The following PIPOX variants were observed in gnomAD, a reference collection of about 807,000 sequenced individuals.
PIPOX encodes pipecolic acid and sarcosine oxidase.
PIPOX carries 45 observed loss-of-function variants against 47.9 expected under a neutral mutation model. The ratio of observed to expected loss-of-function variants is 0.94; its 90% CI spans 0.74 to 1.20. PIPOX has a LOEUF of 1.20. PIPOX is among the 50% of genes most tolerant of loss of function. The pLI is 0.00. For missense variants in PIPOX, 458 were observed against 498.4 expected (o/e 0.92, Z 0.77); for synonymous variants, 165 against 191.3 (o/e 0.86, Z 1.13).
In PIPOX at chr17:29,056,676, A is replaced by G. The variant is rs886927734; in HGVS notation, c.*371A>G. ...AAGAACTGGCTCTGGAGACCAAAGCAGTTGTTAAAAATTCTCTTTGCTGGG... is the reference window on the plus strand; with the variant it reads ...AAGAACTGGCTCTGGAGACCAAAGCGGTTGTTAAAAATTCTCTTTGCTGGG... On this transcript the variant is annotated 3_prime_UTR_variant, in exon 8 of 8. Transcript: ENST00000323372. The G allele has an allele frequency of 1.4e-5, 3 of 212,216 alleles. No individual in the cohort carries two copies. Among genetic ancestry groups the G allele is most frequent in the African/African-American group, 6.9e-5 (3 of 43,378 alleles). 13.1% of individuals were successfully genotyped at this position (212,216 alleles called of 1,614,324 possible). A position where few individuals can be genotyped will look rare whatever the true frequency, so the allele number is the denominator to read the frequency against.
chr17:29,045,151 TCTG>T (rs2152698131), intron 2 of PIPOX, 144 bp downstream of exon 2: 1 of 947,858 alleles, frequency 1.1e-6, no homozygotes, highest in East Asian at 2.6e-5. Context: ...ATGGAAGAGT[TCTG>T]CTGTCATGGT....
chr17:29,052,094 A>T (rs994518609), intron 2 of PIPOX: 4 of 465,380 alleles, frequency 8.6e-6, no homozygotes, highest in African/African-American at 2.0e-5. Context: ...GACCCTTTCC[A>T]CAAAACAGGC....
At chr17:29,043,484 C>T (rs1280188257) in intron 1 of PIPOX, 145 bp downstream of exon 1, 2 of 571,658 alleles carry the variant, frequency 3.5e-6, no homozygotes, top group East Asian at 3.0e-5. Context: ...TCTTAGCTGC[C>T]TAGTGTGTTT....
intron 3 of PIPOX, 103 bp downstream of exon 3, chr17:29,053,236 C>A (rs1378857430): frequency 3.1e-6 from 4 of 1,294,590 alleles, no homozygotes; most frequent in Non-Finnish European, 4.4e-6. Flanking sequence ...GGCCTTTGCC[C>A]TGCAGGCTTT....
intron 2 of PIPOX, among the ~76,000 whole-genome samples, chr17:29,047,068 C>T (rs1299562911): frequency 2.6e-5 from 4 of 152,102 alleles, no homozygotes; most frequent in South Asian, 2.1e-4. Flanking sequence ...AGGTGGATCA[C>T]CTGAAGTCAG....
At chr17:29,055,741 C>A (rs2065825158) in intron 6 of PIPOX, 72 bp from the exon 7 acceptor site, 1 of 1,255,282 alleles carries the variant, frequency 8.0e-7, no homozygotes, top group South Asian at 1.2e-5. Context: ...CCATCCCCTT[C>A]CAGTTAGAGC....
Position 29,052,848 on chromosome 17 carries a change from C to T in PIPOX, c.264-72C>T, listed in dbSNP as rs547842272. On this transcript the variant is annotated intron_variant, in intron 2 of 7. Transcript: ENST00000323372. Reference sequence around the variant, plus strand: ...TCAGCCTCCTGAAGTGCTGGGATTACAGGCGTGAGTCGTCACATCAGGCCC... The same window carrying T: ...TCAGCCTCCTGAAGTGCTGGGATTATAGGCGTGAGTCGTCACATCAGGCCC... 224 of 1,313,172 alleles carry T rather than the reference C, an allele frequency of 1.7e-4. No homozygotes were observed. The African/African-American group carries it at 2.9e-3, about 17-fold the overall frequency. 81.3% of individuals were successfully genotyped at this position (1,313,172 alleles called of 1,614,324 possible). A position where few individuals can be genotyped will look rare whatever the true frequency, so the allele number is the denominator to read the frequency against.
intron 2 of PIPOX, among the ~76,000 whole-genome samples, chr17:29,052,437 C>T (rs555483247): frequency 3.3e-5 from 5 of 152,350 alleles, no homozygotes; most frequent in African/African-American, 1.2e-4. Context: ...CATGAGAATA[C>T]TGGGATTCTA....
intron 1 of PIPOX, chr17:29,044,468 A>G (rs879536971): frequency 7.1e-5 from 11 of 155,690 alleles, no homozygotes; most frequent in Admixed American, 4.5e-4. Flanking sequence ...ATTTGGAAAG[A>G]TTGTGTGAAT....
At chr17:29,052,418 G>A (rs1002664159) in intron 2 of PIPOX, among the ~76,000 whole-genome samples, 3 of 152,210 alleles carry the variant, frequency 2.0e-5, no homozygotes, top group Non-Finnish European at 2.9e-5. Context: ...GGAATGGGCT[G>A]GAAATCAGCA....
intron 2 of PIPOX, among the ~76,000 whole-genome samples, 188 bp from the exon 3 acceptor site, chr17:29,052,732 A>T (rs1479897007): frequency 6.6e-6 from 1 of 152,170 alleles, no homozygotes; most frequent in African/African-American, 2.4e-5. Context: ...GCTACTTTTT[A>T]AAAATTTTTT....
chr17:29,056,721 C>T lies in PIPOX; in HGVS notation c.*416C>T, dbSNP rs1440373974. ...GCTGGGGGCCGGGTGTGGTGGCTCA[C>T]ACCTGTAATCTCGGCACTTTGGGGG... On this transcript the variant is annotated 3_prime_UTR_variant, in exon 8 of 8. Coordinates refer to ENST00000323372, the MANE Select transcript of PIPOX (RefSeq NM_016518.3). 1.1e-5 allele frequency: 2 copies of T among 175,172 alleles called. No individual in the cohort carries two copies. Among genetic ancestry groups the T allele is most frequent in the Non-Finnish European group, 2.4e-5 (2 of 82,866 alleles). The allele number at this position is 175,172 out of a possible 1,614,324, so 10.9% of individuals were successfully genotyped here. A position where few individuals can be genotyped will look rare whatever the true frequency, so the allele number is the denominator to read the frequency against.
Position 29,056,657 on chromosome 17 carries a change from T to G in PIPOX, c.*352T>G, listed in dbSNP as rs1352381772. On this transcript the variant is annotated 3_prime_UTR_variant, in exon 8 of 8. Transcript: ENST00000323372. The stretch of plus-strand genomic sequence containing the variant: ...ATCAGTAAGAAGAGGGCACAAGAAC[T>G]GGCTCTGGAGACCAAAGCAGTTGTT... 2.8e-5 allele frequency: 7 copies of G among 251,202 alleles called. No individual in the cohort carries two copies. Among genetic ancestry groups the G allele is most frequent in the Admixed American group, 2.0e-4 (4 of 19,988 alleles). 15.6% of individuals were successfully genotyped at this position (251,202 alleles called of 1,614,324 possible).
Position 29,055,126 on chromosome 17 carries a change from G to A in PIPOX, c.871G>A (p.Asp291Asn), listed in dbSNP as rs781504759. ...EERDCPTART[D>N]IGDVQILSSF... ...GCGGGACTGCCCCACAGCACGCACA[G>A]ACATCGGAGACGTCCAGATCCTGAG... Residue 291 changes from aspartate to asparagine, a missense_variant, in exon 6 of 8, where the codon GAC becomes AAC. By Grantham distance (23) the Asp-to-Asn change is conservative. Transcript: ENST00000323372. 3 of 1,614,044 alleles carry A rather than the reference G, an allele frequency of 1.9e-6. No individual in the cohort carries two copies. Among genetic ancestry groups the A allele is most frequent in the Non-Finnish European group, 2.5e-6 (3 of 1,180,042 alleles).
rs1568021531 is a variant in PIPOX, at chr17:29,056,356, G to A, written c.*51G>A. ...TGCACAGGAGCCAGTTTCACAGATG[G>A]AGAAGATGTCTCAGATGAAGGGAGT... On this transcript the variant is annotated 3_prime_UTR_variant, in exon 8 of 8. Coordinates refer to ENST00000323372, the MANE Select transcript of PIPOX (RefSeq NM_016518.3). 1 of 1,608,402 alleles carries A rather than the reference G, an allele frequency of 6.2e-7. No individual in the cohort carries two copies. Among genetic ancestry groups the A allele is most frequent in the South Asian group, 1.1e-5 (1 of 90,882 alleles).
At chr17:29,044,587 C>T (rs1208009927) in intron 1 of PIPOX, among the ~76,000 whole-genome samples, 1 of 152,126 alleles carries the variant, frequency 6.6e-6, no homozygotes, top group Non-Finnish European at 1.5e-5. Context: ...AGTCCTCCTA[C>T]CTCAGCCTTC....
At chr17:29,055,305 C>T (rs569285667) in intron 6 of PIPOX, 84 bp downstream of exon 6, 25 of 1,497,664 alleles carry the variant, frequency 1.7e-5, no homozygotes, top group South Asian at 1.4e-4. Flanking sequence ...TGGCCAGGCC[C>T]GATTGTTTGA....
chr17:29,053,177 T>C (rs1292884975), intron 3 of PIPOX, 44 bp downstream of exon 3: 2 of 1,548,710 alleles, frequency 1.3e-6, no homozygotes, highest in Non-Finnish European at 1.8e-6. Context: ...CTCCCTGCTC[T>C]GGGTGTCCTG....
In PIPOX at chr17:29,051,541, GAGA is replaced by G. The variant is rs2152698667; in HGVS notation, c.264-1376_264-1374del. 1.3e-5 allele frequency among the ~76,000 whole-genome samples: 2 copies of G among 152,354 alleles called. 1 individual carries two copies. The highest frequency in any genetic ancestry group is 4.1e-4 in the South Asian group (2 of 4,830). ...GCTGGGCAGTGCAGCAGCTGCAATG[GAGA>G]AGGACCACGGGAACAGTCCCAAAGG... On this transcript the variant is annotated intron_variant, in intron 2 of 7. Transcript: ENST00000323372.
Sources: gnomAD v4.1 joint callset for allele counts (sites outside exome capture counted in the v4.1 genomes callset) on GRCh38, gnomAD v4.1.1 for gene constraint, MANE v1.5 for transcripts, NCBI Gene and HGNC (gene_info 2026-07-23, HGNC 2026-07-21) for gene names.